ZNF256: variants seen among roughly 807,000 people sequenced by gnomAD.
The protein encoded by ZNF256 is zinc finger protein 256.
Under a neutral mutation model 7.9 loss-of-function variants are expected in ZNF256, and 4 were observed. That is an observed-to-expected ratio of 0.50 (90% CI 0.25 to 1.15). The LOEUF (loss-of-function observed/expected upper bound fraction) is 1.15. ZNF256 is among the 50% of genes most tolerant of loss of function. ZNF256 has a pLI of 0.15. For synonymous variants in ZNF256, 260 were observed against 260.4 expected (o/e 1.00, Z 0.02); for missense variants, 666 against 755.9 (o/e 0.88, Z 1.39).
rs760329071 is a variant in ZNF256, at chr19:57,941,107, T to C, written c.1701A>G (p.Arg567=). 17 of 1,614,182 alleles carry C rather than the reference T, an allele frequency of 1.1e-5. No homozygotes were observed. In the Admixed American group the frequency reaches 2.3e-4, roughly 22 times the overall value. ...CATAAGGCCTTTCTCCGGTATGAAC[T>C]CTTCGGTGTTTAACGAGGCTAGAGT... ...SNHSSLVKHR[R]VHTGERPYEC... is the part of the protein sequence containing the mutation. The change falls in exon 3 of 3, where the codon AGA becomes AGG. Residue 567 remains arginine, a synonymous_variant. Coordinates refer to ENST00000282308, the MANE Select transcript of ZNF256 (RefSeq NM_005773.3).
In ZNF256 at chr19:57,947,558, GC is replaced by G; in HGVS notation, c.-85del. ...GTACCCTGGGCGCCGCCGAGCCTCAGCCACGCCTCTGTGCAGCGGGGAAGAC... is the reference window on the plus strand; with the variant it reads ...GTACCCTGGGCGCCGCCGAGCCTCAGCACGCCTCTGTGCAGCGGGGAAGAC... On this transcript the variant is annotated 5_prime_UTR_variant, in exon 1 of 3. Transcript: ENST00000282308. 1 of 1,209,532 alleles carries G rather than the reference GC, an allele frequency of 8.3e-7. No homozygotes were observed. The highest frequency in any genetic ancestry group is 1.6e-5 in the African/African-American group (1 of 63,854). 74.9% of individuals were successfully genotyped at this position (1,209,532 alleles called of 1,614,324 possible).
chr19:57,946,992 G>T (rs1410914246), intron 1 of ZNF256, among the ~76,000 whole-genome samples: 5 of 152,234 alleles, frequency 3.3e-5, no homozygotes, highest in Admixed American at 3.3e-4. Flanking sequence ...TCAGAACTAA[G>T]GGCTGGGGGA....
intron 1 of ZNF256, among the ~76,000 whole-genome samples, chr19:57,945,724 G>C (rs577237680): frequency 6.6e-6 from 1 of 152,148 alleles, no homozygotes; most frequent in Non-Finnish European, 1.5e-5. Context: ...CTCCCTGCCA[G>C]GCTGTATTCC....
chr19:57,945,009 C>T (rs1364721267), intron 1 of ZNF256, among the ~76,000 whole-genome samples: 6 of 151,606 alleles, frequency 4.0e-5, no homozygotes, highest in Non-Finnish European at 7.4e-5. Flanking sequence ...CATTCTCCTA[C>T]CTTAGCCTCC....
rs1159361538 is a variant in ZNF256, at chr19:57,947,394, G to C, written c.33+48C>G. 3 of 1,246,312 alleles carry C rather than the reference G, an allele frequency of 2.4e-6. No homozygotes were observed. In the African/African-American group the frequency reaches 4.7e-5, roughly 19 times the overall value. 77.2% of individuals were successfully genotyped at this position (1,246,312 alleles called of 1,614,324 possible). On this transcript the variant is annotated intron_variant, in intron 1 of 2. Coordinates refer to ENST00000282308, the MANE Select transcript of ZNF256 (RefSeq NM_005773.3). ...CGAGCAAGCGCCCTCGGGGGTGCTA[G>C]GACTAGCGTGGGGAGGGCGGGGAAG...
intron 2 of ZNF256, among the ~76,000 whole-genome samples, chr19:57,943,550 A>C (rs1449066687): frequency 2.0e-5 from 3 of 152,230 alleles, no homozygotes; most frequent in African/African-American, 7.2e-5. Context: ...CGTAGTCCAC[A>C]TAAGTGGTGA....
chr19:57,943,900 G>C (rs1209681982), intron 2 of ZNF256, 34 bp downstream of exon 2: 2 of 1,610,236 alleles, frequency 1.2e-6, no homozygotes, highest in African/African-American at 2.7e-5. Flanking sequence ...GCAAAGGCTA[G>C]CTCGGGGCAT....
At chr19:57,944,607 G>A (rs1280058858) in intron 1 of ZNF256, among the ~76,000 whole-genome samples, 2 of 152,252 alleles carry the variant, frequency 1.3e-5, no homozygotes, top group South Asian at 2.1e-4. Context: ...GGCGGATCAC[G>A]AGGTCAAGAG....
chr19:57,941,201 C>G lies in ZNF256; in HGVS notation c.1607G>C (p.Arg536Thr), dbSNP rs2072724949. 6.2e-7 allele frequency: 1 copy of G among 1,612,996 alleles called. No homozygotes were observed. Among genetic ancestry groups the G allele is most frequent in the South Asian group, 1.1e-5 (1 of 91,034 alleles). Residue 536 changes from arginine to threonine, a missense_variant, in exon 3 of 3, where the codon AGA becomes ACA. By Grantham distance (71) the Arg-to-Thr change is moderately conservative. Coordinates refer to ENST00000282308, the MANE Select transcript of ZNF256 (RefSeq NM_005773.3). ...KFFSQSSSLI[R>T]HRRSHTGERP... ...TTCTCCGGTGTGACTTCTCCTATGTCTAATGAGGCTGGAGCTCTGGCTAAA... is the reference window on the plus strand; with the variant it reads ...TTCTCCGGTGTGACTTCTCCTATGTGTAATGAGGCTGGAGCTCTGGCTAAA...
chr19:57,941,451 G>A lies in ZNF256; in HGVS notation c.1357C>T (p.His453Tyr), dbSNP rs1405283305. The A allele has an allele frequency of 2.5e-6, 4 of 1,613,986 alleles. No individual in the cohort carries two copies. The highest frequency in any genetic ancestry group is 2.2e-5 in the East Asian group (1 of 44,894). The stretch of plus-strand genomic sequence containing the variant: ...CTTTCTCCTGTGTGAACTCTCTCAT[G>A]TACAATGAGGTCAAATTTCCTGCTA... The part of the protein sequence containing the change: ...LFSRKFDLIV[H>Y]ERVHTGERPY... Residue 453 changes from histidine to tyrosine, a missense_variant, in exon 3 of 3, where the codon CAT becomes TAT. His to Tyr is a moderately conservative substitution (Grantham distance 83, BLOSUM62 2). Transcript: ENST00000282308.
chr19:57,945,983 C>T (rs28532297), intron 1 of ZNF256, among the ~76,000 whole-genome samples: 2,116 of 152,286 alleles, frequency 0.014, 42 homozygotes, highest in African/African-American at 0.048. Flanking sequence ...ATCCTGGATA[C>T]CCATAAAGTG....
At chr19:57,944,338 A>G (rs1296728403) in intron 1 of ZNF256, among the ~76,000 whole-genome samples, 1 of 152,180 alleles carries the variant, frequency 6.6e-6, no homozygotes, top group Non-Finnish European at 1.5e-5. Flanking sequence ...CATTCCTCTC[A>G]TATGACCAAG....
rs2072776617 is a variant in ZNF256, at chr19:57,947,585, T to C, written c.-111A>G. On this transcript the variant is annotated 5_prime_UTR_variant, in exon 1 of 3. Coordinates refer to ENST00000282308, the MANE Select transcript of ZNF256 (RefSeq NM_005773.3). Reference sequence around the variant, plus strand: ...CACGCCTCTGTGCAGCGGGGAAGACTCCTCTCGCGCCTTCTCAGTCAGTCA... The same window carrying C: ...CACGCCTCTGTGCAGCGGGGAAGACCCCTCTCGCGCCTTCTCAGTCAGTCA... 2 of 1,066,006 alleles carry C rather than the reference T, an allele frequency of 1.9e-6. No homozygotes were observed. The highest frequency in any genetic ancestry group is 2.2e-4 in the Middle Eastern group (1 of 4,478). 66.0% of individuals were successfully genotyped at this position (1,066,006 alleles called of 1,614,324 possible).
rs544489771 is a variant in ZNF256 at position 57,942,447 on chromosome 19, C to T, written c.361G>A (p.Gly121Arg). Residue 121 changes from glycine (G) to arginine (R), a missense_variant, in exon 3 of 3, where the codon GGG becomes AGG. Physicochemically the swap from Gly to Arg is moderately radical, Grantham distance 125. Transcript: ENST00000282308. ...THHGQKLYTD[G>R]ACRKQLQFTA... ...AATTGTAATTGTTTCCTACATGCCC[C>T]GTCTGTATACAGTTTCTGACCATGG... The T allele has an allele frequency of 6.4e-5, 103 of 1,614,200 alleles. 3 individuals are homozygous for T. Among genetic ancestry groups the T allele is most frequent in the South Asian group, 4.8e-4 (44 of 91,088 alleles).
In ZNF256 at chr19:57,944,022, G is replaced by A. The variant is rs1474369277; in HGVS notation, c.72C>T (p.Ser24=). The stretch of plus-strand genomic sequence containing the variant: ...CATCAAGAAGACCCCACTCCTTCCA[G>A]GAGAAGTAAACAGCCACGTCCTCAA... ...VTFEDVAVYF[S]WKEWGLLDEA... Residue 24 remains serine (S), a synonymous_variant, in exon 2 of 3, where the codon TCC becomes TCT. Transcript: ENST00000282308. 1.9e-6 allele frequency: 3 copies of A among 1,614,032 alleles called. No individual in the cohort carries two copies. The Admixed American group carries it at 5.0e-5, about 27-fold the overall frequency.
Position 57,947,446 on chromosome 19 carries a change from G to GC in ZNF256, c.28dup (p.Ala10GlyfsTer8). 8.0e-7 allele frequency: 1 copy of GC among 1,249,086 alleles called. No individual in the cohort carries two copies. 77.4% of individuals were successfully genotyped at this position (1,249,086 alleles called of 1,614,324 possible). A position where few individuals can be genotyped will look rare whatever the true frequency, so the allele number is the denominator to read the frequency against. ...CCCAGAGGACGCGGCACATACCTGGGCCGGGGCCGTCAGCTCGGCCGCCGC... is the reference window on the plus strand; with the variant it reads ...CCCAGAGGACGCGGCACATACCTGGGCCCGGGGCCGTCAGCTCGGCCGCCGC... On this transcript the variant is annotated frameshift_variant, in exon 1 of 3. Coordinates refer to ENST00000282308, the MANE Select transcript of ZNF256 (RefSeq NM_005773.3). LOFTEE classifies it high-confidence loss of function.
rs1248524851 is a variant in ZNF256, at chr19:57,941,347, T to C, written c.1461A>G (p.Gly487=). 6.2e-7 allele frequency: 1 copy of C among 1,613,950 alleles called. No individual in the cohort carries two copies. The highest frequency in any genetic ancestry group is 8.5e-7 in the Non-Finnish European group (1 of 1,180,006). ...YLISHWKVHT[G]ARPYECGECG... is the part of the protein sequence containing the mutation. ...ACTCCCCACATTCATAAGGCCTTGC[T>C]CCAGTATGAACTTTCCAGTGTGAGA... is the stretch of plus-strand genomic sequence containing the variant. The change falls in exon 3 of 3, where the codon GGA becomes GGG. Residue 487 remains glycine, a synonymous_variant. Coordinates refer to ENST00000282308, the MANE Select transcript of ZNF256 (RefSeq NM_005773.3).
intron 1 of ZNF256, among the ~76,000 whole-genome samples, chr19:57,946,957 T>C (rs1225777217): frequency 1.3e-5 from 2 of 152,196 alleles, no homozygotes; most frequent in Non-Finnish European, 2.9e-5. Flanking sequence ...CATAGGACCC[T>C]GGGCTTGGGG....
Position 57,940,895 on chromosome 19 carries a change from G to C in ZNF256, c.*29C>G, listed in dbSNP as rs199992557. On this transcript the variant is annotated 3_prime_UTR_variant, in exon 3 of 3. Transcript: ENST00000282308. ...ATTTTGCAGGGACACTTCTCAGTCC[G>C]TAACAGCCCTATGTGTGTTACCTAA... is the stretch of plus-strand genomic sequence containing the variant. The C allele has an allele frequency of 5.1e-6, 8 of 1,583,484 alleles. No homozygotes were observed. The highest frequency in any genetic ancestry group is 6.9e-6 in the Non-Finnish European group (8 of 1,161,170).
Sources: gnomAD v4.1 joint callset for allele counts (sites outside exome capture counted in the v4.1 genomes callset) on GRCh38, gnomAD v4.1.1 for gene constraint, MANE v1.5 for transcripts, NCBI Gene and HGNC (gene_info 2026-07-23, HGNC 2026-07-21) for gene names.